The following FCRL5 variants were observed in gnomAD, a reference collection of about 807,000 sequenced individuals.
The protein encoded by FCRL5 is Fc receptor-like protein 5.
FCRL5 carries 79 observed loss-of-function variants against 92.1 expected under a neutral mutation model. The ratio of observed to expected loss-of-function variants is 0.86; its 90% CI spans 0.72 to 1.03. The LOEUF is 1.03. FCRL5 is among the 50% of genes least tolerant of loss of function. FCRL5 has a pLI of 0.00. For missense variants in FCRL5, 1,160 were observed against 1,181.1 expected, an observed-to-expected ratio of 0.98 and a Z score of 0.26; for synonymous variants, 466 against 469.3, an observed-to-expected ratio of 0.99 and a Z score of 0.09.
intron 7 of FCRL5, among the ~76,000 whole-genome samples, chr1:157,535,742 A>G (rs1454381913): frequency 6.6e-6 from 1 of 152,174 alleles, no homozygotes; most frequent in Non-Finnish European, 1.5e-5. Flanking sequence ...GTATAAAGAC[A>G]CTAAGTTAAT....
chr1:157,534,551 T>C (rs1650856177), intron 8 of FCRL5, 63 bp downstream of exon 8: 1 of 1,598,990 alleles, frequency 6.3e-7, no homozygotes, highest in South Asian at 1.1e-5. Flanking sequence ...AACAGATTTT[T>C]AAAGGAATGG....
At chr1:157,542,662 T>C (rs1651320297) in intron 6 of FCRL5, 197 bp downstream of exon 6, 2 of 632,818 alleles carry the variant, frequency 3.2e-6, no homozygotes, top group South Asian at 5.2e-5. Context: ...GGCAGGGGTA[T>C]AAGGGCACCT....
rs1255474406 is a variant in FCRL5, at chr1:157,535,107, C to T, written c.1403-215G>A. On this transcript the variant is annotated intron_variant, in intron 7 of 16. Transcript: ENST00000361835. ...TCCAGGAGACCAATACTCTCTTCTT[C>T]TCTCATGGCTCCTCTTGTAGTGTGA... Among the ~76,000 whole-genome samples, 5 of 152,306 alleles carry T rather than the reference C, an allele frequency of 3.3e-5. No homozygotes were observed. The South Asian group carries it at 6.2e-4, about 19-fold the overall frequency.
At chr1:157,547,282 C>T in intron 2 of FCRL5, 85 bp from the exon 3 acceptor site, 1 of 1,558,984 alleles carries the variant, frequency 6.4e-7, no homozygotes, top group Non-Finnish European at 8.8e-7. Flanking sequence ...CCTGAAGGAC[C>T]TGGGTTTGGA....
At position 157,544,428 on chromosome 1, in the gene FCRL5, G is replaced by T; in HGVS notation, c.678C>A (p.Phe226Leu). ...GGGTCTGGTCATCTCTGAAGAAGCG[G>T]AACCGGAGCGGGACATCTGACCTCT... ...SLERSDVPLR[F>L]RFFRDDQTLG... Residue 226 changes from phenylalanine (F) to leucine (L), a missense_variant, in exon 5 of 17, where the codon TTC (phenylalanine) becomes TTA (leucine). Physicochemically the swap from Phe to Leu is conservative, Grantham distance 22 (BLOSUM62 0). Transcript: ENST00000361835. 1 of 1,614,220 alleles carries T rather than the reference G, an allele frequency of 6.2e-7. No homozygotes were observed. The highest frequency in any genetic ancestry group is 1.3e-5 in the African/African-American group (1 of 75,056).
At chr1:157,531,072 G>A (rs556757901) in intron 8 of FCRL5, among the ~76,000 whole-genome samples, 12 of 152,150 alleles carry the variant, frequency 7.9e-5, no homozygotes, top group Non-Finnish European at 1.8e-4. Context: ...TATTTGCAAA[G>A]TTTATGTCTG....
At chr1:157,533,117 G>A (rs965388549) in intron 8 of FCRL5, 3 of 151,734 alleles carry the variant, frequency 2.0e-5, no homozygotes, top group Admixed American at 2.0e-4. Flanking sequence ...ATAATCATAG[G>A]CACATATATA....
intron 13 of FCRL5, 100 bp downstream of exon 13, chr1:157,519,643 C>T: frequency 1.5e-6 from 2 of 1,346,172 alleles, no homozygotes; most frequent in Non-Finnish European, 2.1e-6. Context: ...CTCAGCAGCA[C>T]CTGGCAGAAA....
chr1:157,537,817 GA>G (rs1402477846), intron 7 of FCRL5, among the ~76,000 whole-genome samples: 2 of 152,178 alleles, frequency 1.3e-5, no homozygotes, highest in African/African-American at 4.8e-5. Context: ...TATTGGGGGT[GA>G]ATTTCCCCCG....
At chr1:157,551,112 T>C (rs554812224) in intron 1 of FCRL5, among the ~76,000 whole-genome samples, 48 of 152,360 alleles carry the variant, frequency 3.2e-4, no homozygotes, top group African/African-American at 1.2e-3. Context: ...TGCATTTACG[T>C]AGGTTATTTC....
chr1:157,534,401 TA>T (rs1426922737), intron 8 of FCRL5: 1 of 720,356 alleles, frequency 1.4e-6, no homozygotes, highest in Non-Finnish European at 2.6e-6. Context: ...ATTCATTTGG[TA>T]AAAGCTGGGG....
At chr1:157,546,297 A>G in intron 3 of FCRL5, 1 of 450,318 alleles carries the variant, frequency 2.2e-6, no homozygotes, top group Non-Finnish European at 4.4e-6. Flanking sequence ...AGAATACAAA[A>G]ATTAGCCAGG....
rs748703386 is a variant in FCRL5, at chr1:157,543,079, T to G, written c.903A>C (p.Gly301=). 6.2e-7 allele frequency: 1 copy of G among 1,614,236 alleles called. No individual in the cohort carries two copies. Among genetic ancestry groups the G allele is most frequent in the Non-Finnish European group, 8.5e-7 (1 of 1,180,040 alleles). ...LSPEKALNFE[G]TKVTLHCETQ... is the part of the protein sequence containing the mutation. ...TTTCACAGTGAAGTGTCACCTTGGT[T>G]CCCTCAAAATTCAGAGCCTTTTCAG... The change falls in exon 6 of 17, where the codon GGA becomes GGC. Residue 301 remains glycine, a synonymous_variant. Transcript: ENST00000361835.
chr1:157,514,293 C>A lies in FCRL5; in HGVS notation c.*1382G>T, dbSNP rs934161431. 12 of 152,276 alleles carry A rather than the reference C, an allele frequency of 7.9e-5. No homozygotes were observed. Among genetic ancestry groups the A allele is most frequent in the Non-Finnish European group, 1.8e-4 (12 of 68,068 alleles). The allele number at this position is 152,276 out of a possible 1,614,324, so 9.4% of individuals were successfully genotyped here. On this transcript the variant is annotated 3_prime_UTR_variant, in exon 17 of 17. Transcript: ENST00000361835. Reference sequence around the variant, plus strand: ...ATCCCATTGCTCAGAGATGGGAGAACAACTCTGAATGGAGAGGGCTCAGGT... The same window carrying A: ...ATCCCATTGCTCAGAGATGGGAGAAAAACTCTGAATGGAGAGGGCTCAGGT...
chr1:157,550,028 T>C (rs1194548464), intron 1 of FCRL5, among the ~76,000 whole-genome samples: 1 of 152,078 alleles, frequency 6.6e-6, no homozygotes, highest in Non-Finnish European at 1.5e-5. Context: ...AAGGAGATGA[T>C]ACTTCACAAA....
chr1:157,544,470 C>T lies in FCRL5; in HGVS notation c.636G>A (p.Glu212=), dbSNP rs1218317518. 8.1e-6 allele frequency: 13 copies of T among 1,614,206 alleles called. No individual in the cohort carries two copies. The highest frequency in any genetic ancestry group is 3.3e-5 in the Admixed American group (2 of 60,032). The change falls in exon 5 of 17, where the codon GAG becomes GAA. Residue 212 remains glutamate (E), a synonymous_variant. Coordinates refer to ENST00000361835, the MANE Select transcript of FCRL5 (RefSeq NM_031281.3). ...ISGNPVTLTC[E]TQLSLERSDV... The stretch of plus-strand genomic sequence containing the variant: ...CTGACCTCTCTAGAGAGAGCTGGGT[C>T]TCACAGGTCAGGGTCACTGGGTTCC...
intron 1 of FCRL5, among the ~76,000 whole-genome samples, chr1:157,551,264 G>A (rs1366144259): frequency 6.6e-6 from 1 of 152,130 alleles, no homozygotes; most frequent in Non-Finnish European, 1.5e-5. Context: ...TATAAACTTT[G>A]CCCTCTCATG....
At chr1:157,528,804 A>G (rs1650557125) in intron 8 of FCRL5, 1 of 152,240 alleles carries the variant, frequency 6.6e-6, no homozygotes, top group South Asian at 2.1e-4. Context: ...TTACACAAAA[A>G]TCAACTCAAG....
At chr1:157,549,079 T>C (rs969744930) in intron 2 of FCRL5, among the ~76,000 whole-genome samples, 4 of 151,954 alleles carry the variant, frequency 2.6e-5, no homozygotes, top group African/African-American at 9.7e-5. Context: ...ATGTGGCACA[T>C]ATACACCATG....
Sources: allele counts gnomAD v4.1 joint callset (sites outside exome capture counted in the v4.1 genomes callset), GRCh38; gene constraint gnomAD v4.1.1; transcripts MANE v1.5; gene names NCBI Gene and HGNC (gene_info 2026-07-23, HGNC 2026-07-21).